The following TCAIM variants were observed in gnomAD, a reference collection of about 807,000 sequenced individuals.
The protein encoded by TCAIM is T cell activation inhibitor, mitochondrial.
In TCAIM, 36 loss-of-function variants were observed where a neutral mutation model predicts 58.6. That is an observed-to-expected ratio of 0.61 (90% CI 0.47 to 0.81). TCAIM has a LOEUF of 0.81. Among genes scored for constraint, TCAIM ranks in the 30% least tolerant of loss-of-function variants. The probability of loss-of-function intolerance (pLI) is 0.00; values close to 1 mark genes in which losing one functional copy is unlikely to be tolerated. For missense variants in TCAIM, 466 were observed against 579.6 expected (o/e 0.80, Z 2.01); for synonymous variants, 172 against 193.6 (o/e 0.89, Z 0.93).
In TCAIM at chr3:44,357,931, T is replaced by C. The variant is rs999169847; in HGVS notation, c.165+55T>C. 6 of 1,581,438 alleles carry C rather than the reference T, an allele frequency of 3.8e-6. No individual in the cohort carries two copies. In the African/African-American group the frequency reaches 6.8e-5, roughly 18 times the overall value. On this transcript the variant is annotated intron_variant, in intron 3 of 10. Transcript: ENST00000342649. Reference sequence around the variant, plus strand: ...GTGTACATTTCTGCTTATTTACCTTTGATACAATATAATACATAGAGTTCT... The same window carrying C: ...GTGTACATTTCTGCTTATTTACCTTCGATACAATATAATACATAGAGTTCT...
intron 5 of TCAIM, among the ~76,000 whole-genome samples, chr3:44,392,109 G>A (rs1320671027): frequency 6.6e-6 from 1 of 152,154 alleles, no homozygotes; most frequent in Non-Finnish European, 1.5e-5. Context: ...TAGGAATCTA[G>A]TGACAGGTTT....
intron 3 of TCAIM, chr3:44,359,474 C>T (rs1295376837): frequency 2.0e-5 from 3 of 152,254 alleles, no homozygotes; most frequent in Non-Finnish European, 4.4e-5. Context: ...AGACCCTGGG[C>T]TGCACTGTAT....
At chr3:44,372,672 C>T (rs1414910254) in intron 5 of TCAIM, among the ~76,000 whole-genome samples, 2 of 151,808 alleles carry the variant, frequency 1.3e-5, no homozygotes, top group African/African-American at 4.8e-5. Context: ...TGGCTCACTG[C>T]AAGCTCCGCC....
chr3:44,376,727 T>C, intron 5 of TCAIM, among the ~76,000 whole-genome samples: 1 of 152,236 alleles, frequency 6.6e-6, no homozygotes, highest in Admixed American at 6.5e-5. Context: ...TTGTATCTTA[T>C]AAGTAATTAC....
intron 1 of TCAIM, among the ~76,000 whole-genome samples, chr3:44,353,403 G>C (rs1701131790): frequency 6.6e-6 from 1 of 152,226 alleles, no homozygotes; most frequent in African/African-American, 2.4e-5. Context: ...GCTAGTTGTT[G>C]TGTGGACATA....
At chr3:44,339,145 G>T (rs945631726) in intron 1 of TCAIM, among the ~76,000 whole-genome samples, 9 of 152,162 alleles carry the variant, frequency 5.9e-5, no homozygotes, top group African/African-American at 2.2e-4. Flanking sequence ...CTAGGCTAAT[G>T]TATCTAATAG....
intron 1 of TCAIM, among the ~76,000 whole-genome samples, chr3:44,344,010 T>C (rs11706775): frequency 0.35 from 51,696 of 147,508 alleles, 9,820 homozygotes; most frequent in African/African-American, 0.46. Flanking sequence ...TTTGATTATT[T>C]TTGATGGAAA....
rs1313748847 is a variant in TCAIM, at chr3:44,372,037, GGAA to G, written c.572+4331_572+4333del. 1.7e-3 allele frequency among the ~76,000 whole-genome samples: 243 copies of G among 145,352 alleles called. 2 individuals are homozygous for G. The highest frequency in any genetic ancestry group is 7.0e-3 in the Middle Eastern group (2 of 284). ...AGGAAGGAAGGAAGGAAGGAAGGAA[GGAA>G]GGAAGGAAGGAAGGAAGGAAGGAAG... On this transcript the variant is annotated intron_variant, in intron 5 of 10. Transcript: ENST00000342649.
chr3:44,359,276 T>G (rs894498684), intron 3 of TCAIM: 1 of 180,760 alleles, frequency 5.5e-6, no homozygotes, highest in African/African-American at 2.4e-5. Flanking sequence ...CTCAGCAAGC[T>G]TGGGTTGCTT....
intron 4 of TCAIM, among the ~76,000 whole-genome samples, chr3:44,367,014 G>A (rs1187373030): frequency 1.3e-5 from 2 of 152,208 alleles, no homozygotes; most frequent in Non-Finnish European, 2.9e-5. Flanking sequence ...TGACCACTGA[G>A]ACTAGATTAT....
At chr3:44,357,680 A>G (rs1299261630) in intron 2 of TCAIM, 61 bp from the exon 3 acceptor site, 2 of 1,594,400 alleles carry the variant, frequency 1.3e-6, no homozygotes, top group Admixed American at 3.5e-5. Context: ...TCACTTATAC[A>G]TTGAGGATTT....
upstream of TCAIM, chr3:44,338,176 C>CT (rs1172472354): frequency 6.6e-6 from 1 of 152,484 alleles, no homozygotes; most frequent in Non-Finnish European, 1.5e-5. Flanking sequence ...CTCGGTTGCC[C>CT]TTCTCCGTTC....
chr3:44,390,319 T>C (rs1414957050), intron 5 of TCAIM, among the ~76,000 whole-genome samples: 2 of 152,264 alleles, frequency 1.3e-5, no homozygotes, highest in African/African-American at 2.4e-5. Flanking sequence ...GCAGTACATA[T>C]ACTAAAAATG....
chr3:44,391,687 G>GA (rs1280077934), intron 5 of TCAIM, among the ~76,000 whole-genome samples: 1 of 152,202 alleles, frequency 6.6e-6, no homozygotes, highest in East Asian at 1.9e-4. Flanking sequence ...GGCCCTCCTG[G>GA]AAGGAGGGTG....
rs537741442 is a variant in TCAIM, at chr3:44,367,916, G to A, written c.572+208G>A. On this transcript the variant is annotated intron_variant, in intron 5 of 10. Coordinates refer to ENST00000342649, the MANE Select transcript of TCAIM (RefSeq NM_173826.4). ...ATATATTTCATGTTTCTTACTTAAA[G>A]CTGCCAAAATACTTCCAACTGTATT... 7 of 480,950 alleles carry A rather than the reference G, an allele frequency of 1.5e-5. No homozygotes were observed. In the South Asian group the frequency reaches 3.0e-4, roughly 20 times the overall value. The allele number at this position is 480,950 out of a possible 1,614,324, so 29.8% of individuals were successfully genotyped here.
chr3:44,381,191 G>A (rs1411523475), intron 5 of TCAIM, among the ~76,000 whole-genome samples: 1 of 152,104 alleles, frequency 6.6e-6, no homozygotes, highest in East Asian at 1.9e-4. Flanking sequence ...TGTGCTTTAT[G>A]AACATTAATA....
At chr3:44,353,162 C>G (rs1484663097) in intron 1 of TCAIM, among the ~76,000 whole-genome samples, 1 of 152,038 alleles carries the variant, frequency 6.6e-6, no homozygotes, top group Non-Finnish European at 1.5e-5. Context: ...CTCAGGTGAT[C>G]CGCCTGCCTC....
upstream of TCAIM, chr3:44,338,461 C>T (rs1700766785): frequency 6.6e-6 from 1 of 152,342 alleles, no homozygotes. Context: ...GGGGGAAGGC[C>T]TGGCACGCTC....
At chr3:44,367,770 A>G in intron 5 of TCAIM, 62 bp downstream of exon 5, 1 of 1,432,418 alleles carries the variant, frequency 7.0e-7, no homozygotes, top group Non-Finnish European at 9.3e-7. Flanking sequence ...ACACTGATTT[A>G]TTGGGATGGC....
Sources: gnomAD v4.1 joint callset for allele counts (sites outside exome capture counted in the v4.1 genomes callset) on GRCh38, gnomAD v4.1.1 for gene constraint, MANE v1.5 for transcripts, NCBI Gene and HGNC (gene_info 2026-07-23, HGNC 2026-07-21) for gene names.